TMEM117: variants seen among roughly 807,000 people sequenced by gnomAD.
TMEM117 encodes the protein transmembrane protein 117.
A neutral mutation model predicts 52.4 loss-of-function variants in TMEM117; 27 were observed. The ratio of observed to expected loss-of-function variants is 0.51; its 90% CI spans 0.38 to 0.71. The LOEUF (loss-of-function observed/expected upper bound fraction) is 0.71, where lower values mean the gene tolerates loss of function less well. Ranked by LOEUF, TMEM117 falls within the 30% of genes least tolerant of loss-of-function variation. The probability of loss-of-function intolerance (pLI) is 0.00; values close to 1 mark genes in which losing one functional copy is unlikely to be tolerated. For synonymous variants in TMEM117, 215 were observed against 206.3 expected (o/e 1.04, Z -0.36); for missense variants, 556 against 630.5 (o/e 0.88, Z 1.26).
rs116500665 is a variant in TMEM117 at position 44,314,220 on chromosome 12, G to A, written c.768+14481G>A. Among the ~76,000 whole-genome samples the A allele has an allele frequency of 6.0e-3, 913 of 152,210 alleles. 12 individuals are homozygous for A. The highest frequency in any genetic ancestry group is 0.02 in the African/African-American group (828 of 41,530). ...CCAGCTTTTGCCCAGTCAGAATGAT[G>A]TTGACTGTAGATTTTTTATAGATGA... On this transcript the variant is annotated intron_variant, in intron 6 of 7. Transcript: ENST00000266534.
intron 3 of TMEM117, among the ~76,000 whole-genome samples, chr12:44,071,072 T>A (rs934030326): frequency 1.3e-5 from 2 of 152,208 alleles, no homozygotes; most frequent in Admixed American, 6.5e-5. Context: ...GTAAAGAAAG[T>A]ATATTTCATT....
intron 3 of TMEM117, among the ~76,000 whole-genome samples, chr12:44,005,275 CT>C (rs1470618765): frequency 6.6e-6 from 1 of 152,156 alleles, no homozygotes; most frequent in African/African-American, 2.4e-5. Context: ...TGTTTAATGT[CT>C]AAATTTAACG....
intron 3 of TMEM117, among the ~76,000 whole-genome samples, chr12:43,993,492 A>G (rs1364260112): frequency 6.6e-6 from 1 of 152,132 alleles, no homozygotes; most frequent in Non-Finnish European, 1.5e-5. Context: ...TTGAGCACAC[A>G]TATATCCCTG....
At chr12:44,252,799 A>G (rs987241345) in intron 5 of TMEM117, among the ~76,000 whole-genome samples, 3 of 152,212 alleles carry the variant, frequency 2.0e-5, no homozygotes. Flanking sequence ...ATCTAGCGGG[A>G]TATTTTTGAC....
chr12:44,196,248 T>C (rs1182417107), intron 4 of TMEM117, among the ~76,000 whole-genome samples: 1 of 152,050 alleles, frequency 6.6e-6, no homozygotes. Context: ...GTCAAAAATA[T>C]ATTAGGAAGC....
chr12:44,003,899 G>A (rs1946154044), intron 3 of TMEM117, among the ~76,000 whole-genome samples: 1 of 152,164 alleles, frequency 6.6e-6, no homozygotes, highest in Non-Finnish European at 1.5e-5. Flanking sequence ...GTGGCCCTGG[G>A]GGACTGTGTC....
At chr12:44,225,921 C>T (rs1949854396) in intron 5 of TMEM117, among the ~76,000 whole-genome samples, 1 of 152,182 alleles carries the variant, frequency 6.6e-6, no homozygotes. Flanking sequence ...TCACACTTAA[C>T]TTGTAACAGC....
At position 44,352,255 on chromosome 12, in the gene TMEM117, T is replaced by A. The variant is rs142277279; in HGVS notation, c.769-24340T>A. Reference sequence around the variant, plus strand: ...CCTACTATGTACCCACAAACATTTTTAAAAATAATTTTGTTTTGTTTTGTT... The same window carrying A: ...CCTACTATGTACCCACAAACATTTTAAAAAATAATTTTGTTTTGTTTTGTT... On this transcript the variant is annotated intron_variant, in intron 6 of 7. Transcript: ENST00000266534. 1.2e-3 allele frequency among the ~76,000 whole-genome samples: 182 copies of A among 152,162 alleles called. 2 individuals carry two copies. The highest frequency in any genetic ancestry group is 4.3e-3 in the African/African-American group (177 of 41,560).
intron 3 of TMEM117, among the ~76,000 whole-genome samples, chr12:44,039,940 A>AT (rs1050826390): frequency 1.3e-5 from 2 of 152,058 alleles, no homozygotes; most frequent in African/African-American, 2.4e-5. Flanking sequence ...ATTTTAAATA[A>AT]TTTTTTTCCA....
chr12:43,982,919 T>C (rs972538419), intron 3 of TMEM117, among the ~76,000 whole-genome samples: 2 of 152,206 alleles, frequency 1.3e-5, no homozygotes, highest in Admixed American at 1.3e-4. Flanking sequence ...ATATCCTTAA[T>C]CTATTATTCT....
At chr12:44,032,399 T>C (rs1410263997) in intron 3 of TMEM117, among the ~76,000 whole-genome samples, 1 of 152,220 alleles carries the variant, frequency 6.6e-6, no homozygotes, top group African/African-American at 2.4e-5. Flanking sequence ...ATGTTACTTA[T>C]TCCTGTGAAC....
intron 5 of TMEM117, among the ~76,000 whole-genome samples, chr12:44,279,441 C>T (rs1422095847): frequency 6.6e-6 from 1 of 152,054 alleles, no homozygotes; most frequent in Non-Finnish European, 1.5e-5. Flanking sequence ...CAAATTAAGC[C>T]CATATCTGAA....
intron 2 of TMEM117, among the ~76,000 whole-genome samples, chr12:43,933,241 C>CCAG (rs1225705183): frequency 6.6e-6 from 1 of 151,454 alleles, no homozygotes; most frequent in Non-Finnish European, 1.5e-5. Flanking sequence ...TTACTGTCGC[C>CCAG]CAGGTTGGAG....
At chr12:44,152,334 T>A (rs1169202700) in intron 4 of TMEM117, among the ~76,000 whole-genome samples, 1 of 108,318 alleles carries the variant, frequency 9.2e-6, no homozygotes, top group South Asian at 3.1e-4. Flanking sequence ...AATATATATA[T>A]TATATATAAA....
At chr12:43,886,511 A>G (rs1372244938) in intron 2 of TMEM117, among the ~76,000 whole-genome samples, 1 of 152,196 alleles carries the variant, frequency 6.6e-6, no homozygotes, top group Non-Finnish European at 1.5e-5. Flanking sequence ...AGGCAAATTC[A>G]AACAGCTTGC....
chr12:43,813,744 CA>C, the TMEM117 span, among the ~76,000 whole-genome samples: 1 of 152,132 alleles, frequency 6.6e-6, no homozygotes, highest in East Asian at 1.9e-4. Context: ...TGTTCTTTCA[CA>C]AACAATAGCA....
chr12:44,334,373 T>G (rs776050110), intron 6 of TMEM117, among the ~76,000 whole-genome samples: 1 of 152,042 alleles, frequency 6.6e-6, no homozygotes, highest in Non-Finnish European at 1.5e-5. Flanking sequence ...ATCATTAGAT[T>G]GGCTAAGCAA....
At chr12:44,225,882 C>T (rs1451057528) in intron 5 of TMEM117, among the ~76,000 whole-genome samples, 2 of 152,150 alleles carry the variant, frequency 1.3e-5, no homozygotes, top group African/African-American at 4.8e-5. Context: ...CTGAGACTCT[C>T]TACTAAGACT....
At chr12:44,280,653 T>C (rs1038659016) in intron 5 of TMEM117, among the ~76,000 whole-genome samples, 1 of 152,192 alleles carries the variant, frequency 6.6e-6, no homozygotes, top group African/African-American at 2.4e-5. Flanking sequence ...GTCATTCCCA[T>C]GTCTCTATAT....
Sources: gnomAD v4.1 joint callset for allele counts (sites outside exome capture counted in the v4.1 genomes callset) on GRCh38, gnomAD v4.1.1 for gene constraint, MANE v1.5 for transcripts, NCBI Gene and HGNC (gene_info 2026-07-23, HGNC 2026-07-21) for gene names.